Variants in FRMPD3 observed in about 807,000 individuals in gnomAD.
FRMPD3 encodes the protein FERM and PDZ domain-containing protein 3.
In FRMPD3, 42 loss-of-function variants were observed where a neutral mutation model predicts 97.9. The ratio of observed to expected loss-of-function variants is 0.43; its 90% CI spans 0.34 to 0.55. FRMPD3 has a LOEUF of 0.55. Ranked by LOEUF, FRMPD3 falls within the 20% of genes least tolerant of loss-of-function variation. The pLI, the probability that FRMPD3 is intolerant of heterozygous loss-of-function variation, is 0.03. For missense variants in FRMPD3, 1,303 were observed against 1,457.7 expected (o/e 0.89, Z 1.73); for synonymous variants, 577 against 581.1 (o/e 0.99, Z 0.10).
chrX:107,571,267 A>G (rs1431281910), intron 12 of FRMPD3, among the ~76,000 whole-genome samples: 1 of 112,265 alleles, frequency 8.9e-6, no homozygotes, highest in African/African-American at 3.2e-5. Context: ...TTAAAATCCT[A>G]TCTAAAATAA....
rs1924540556 is a variant in FRMPD3, at chrX:107,601,988, G to A, written c.3949G>A (p.Val1317Met). The A allele has an allele frequency of 3.4e-6, 4 of 1,169,899 alleles. No individual in the cohort carries two copies. The highest frequency in any genetic ancestry group is 4.6e-6 in the Non-Finnish European group (4 of 876,505). ...CCGGCCACAAGCCACCCAGACACCA[G>A]TGCCCAGCCTCCGGGGGAGGGAAAG... ...GGRPQATQTPVPSLRGRERDR... is the reference protein window; with the variant it reads ...GGRPQATQTPMPSLRGRERDR... The change falls in exon 15 of 15, where the codon GTG (valine) becomes ATG (methionine). Residue 1317 changes from valine (V) to methionine (M), a missense_variant. Physicochemically the swap from Val to Met is conservative, Grantham distance 21 (BLOSUM62 1). Around this residue, in one of 3 missense-constraint regions of FRMPD3, gnomAD observed 764 missense variants for 820.2 expected, o/e 0.93. Transcript: ENST00000683843.
intron 8 of FRMPD3, among the ~76,000 whole-genome samples, chrX:107,557,444 C>G (rs1163412375): frequency 9.1e-6 from 1 of 110,197 alleles, no homozygotes; most frequent in Non-Finnish European, 1.9e-5. Flanking sequence ...ACGTCTTTCA[C>G]AGAGCAAATG....
intron 13 of FRMPD3, among the ~76,000 whole-genome samples, chrX:107,579,323 T>C (rs1923276227): frequency 8.9e-6 from 1 of 111,982 alleles, no homozygotes; most frequent in Non-Finnish European, 1.9e-5. Context: ...AAACATCACC[T>C]TCCTTCAAGT....
At chrX:107,551,029 C>G (rs1921840967) in intron 6 of FRMPD3, among the ~76,000 whole-genome samples, 1 of 112,029 alleles carries the variant, frequency 8.9e-6, no homozygotes, top group African/African-American at 3.2e-5. Context: ...TTATCAGGTA[C>G]TCAGAATGGG....
intron 1 of FRMPD3, among the ~76,000 whole-genome samples, chrX:107,498,206 G>C (rs1042745119): frequency 1.8e-5 from 2 of 112,404 alleles, no homozygotes; most frequent in African/African-American, 6.5e-5. Flanking sequence ...GTTTTTGCAC[G>C]CAGGCAGGCT....
intron 1 of FRMPD3, among the ~76,000 whole-genome samples, chrX:107,521,771 G>A (rs758993948): frequency 8.9e-6 from 1 of 112,115 alleles, no homozygotes; most frequent in Non-Finnish European, 1.9e-5. Context: ...GTCTTGAGGG[G>A]AGTGACAAGA....
intron 12 of FRMPD3, among the ~76,000 whole-genome samples, chrX:107,567,972 A>G (rs1180571654): frequency 9.0e-6 from 1 of 110,963 alleles, no homozygotes; most frequent in Non-Finnish European, 1.9e-5. Flanking sequence ...ATGTGGGTGC[A>G]TATTCTCCCC....
At position 107,526,643 on chromosome X, in the gene FRMPD3, C is replaced by G. The variant is rs1403671411; in HGVS notation, c.55C>G (p.Leu19Val). The G allele has an allele frequency of 5.0e-6, 6 of 1,204,952 alleles. No homozygotes were observed. Among genetic ancestry groups the G allele is most frequent in the East Asian group, 3.0e-5 (1 of 33,712 alleles). The change falls in exon 2 of 15, where the codon CTG (leucine) becomes GTG (valine). Residue 19 changes from leucine (L) to valine (V), a missense_variant. Physicochemically the swap from Leu to Val is conservative, Grantham distance 32. Transcript: ENST00000683843. ...ATGTGAGCAGCTGCCAGCAGAGATACTGCGACAAGTGACCGTTCACCGAGA... is the reference window on the plus strand; with the variant it reads ...ATGTGAGCAGCTGCCAGCAGAGATAGTGCGACAAGTGACCGTTCACCGAGA... ...MECEQLPAEILRQVTVHRDPI... is the reference protein window; with the variant it reads ...MECEQLPAEIVRQVTVHRDPI...
Position 107,601,350 on chromosome X carries a change from G to C in FRMPD3, c.3311G>C (p.Gly1104Ala). 8.3e-7 allele frequency: 1 copy of C among 1,207,127 alleles called. No homozygotes were observed. Among genetic ancestry groups the C allele is most frequent in the Non-Finnish European group, 1.1e-6 (1 of 893,205 alleles). Residue 1104 changes from glycine (G) to alanine (A), a missense_variant, in exon 15 of 15, where the codon GGG becomes GCG. Coordinates refer to ENST00000683843, the MANE Select transcript of FRMPD3 (RefSeq NM_001388459.1). ...AAGCAGGGCACCATCTCCAGCCAAG[G>C]GGAGAAGGCGCAGCTGGAGAGCACA... ...LQKQGTISSQ[G>A]EKAQLESTPK...
chrX:107,509,835 G>A (rs1167168456), intron 1 of FRMPD3, among the ~76,000 whole-genome samples: 1 of 111,281 alleles, frequency 9.0e-6, no homozygotes, highest in Admixed American at 9.6e-5. Context: ...ACCTTAGACT[G>A]CAATCTCCCT....
intron 12 of FRMPD3, among the ~76,000 whole-genome samples, chrX:107,568,918 A>G (rs760649294): frequency 1.1e-4 from 10 of 88,737 alleles, no homozygotes; most frequent in East Asian, 9.4e-4. Context: ...AGAGAGAGAG[A>G]GAGAGAGAGA....
rs1931239107 is a variant in FRMPD3, at chrX:107,449,767, C to A, written c.-246C>A. 9.2e-6 allele frequency among the ~76,000 whole-genome samples: 1 copy of A among 108,966 alleles called. No individual in the cohort carries two copies. Among genetic ancestry groups the A allele is most frequent in the South Asian group, 3.8e-4 (1 of 2,617 alleles). 94.6% of individuals were successfully genotyped at this position (108,966 alleles called of 115,157 possible). Reference sequence around the variant, plus strand: ...TCCTGCCATCCTGCCCGCAGCCCGCCGCCTGCGCGCCAGCTCCCCGCGTCC... The same window carrying A: ...TCCTGCCATCCTGCCCGCAGCCCGCAGCCTGCGCGCCAGCTCCCCGCGTCC... On this transcript the variant is annotated 5_prime_UTR_variant, in exon 1 of 15. Coordinates refer to ENST00000683843, the MANE Select transcript of FRMPD3 (RefSeq NM_001388459.1).
chrX:107,479,258 A>T (rs760251236), intron 1 of FRMPD3, among the ~76,000 whole-genome samples: 114 of 112,195 alleles, frequency 1.0e-3, no homozygotes, highest in African/African-American at 3.3e-3. Flanking sequence ...TGCCTTAGGG[A>T]GCTGGGAAGG....
intron 1 of FRMPD3, among the ~76,000 whole-genome samples, chrX:107,513,935 T>A (rs1922234786): frequency 9.0e-6 from 1 of 111,708 alleles, no homozygotes; most frequent in African/African-American, 3.3e-5. Flanking sequence ...TAACTACAAA[T>A]CGTGATGAGT....
chrX:107,577,467 G>T (rs1173688382), intron 13 of FRMPD3, among the ~76,000 whole-genome samples: 5 of 90,513 alleles, frequency 5.5e-5, no homozygotes, highest in Non-Finnish European at 1.0e-4. Flanking sequence ...CTGGGTGACA[G>T]AGTGAGACTG....
Position 107,600,489 on chromosome X carries a change from G to A in FRMPD3, c.2450G>A (p.Arg817Gln). 4.1e-6 allele frequency: 5 copies of A among 1,210,682 alleles called. No individual in the cohort carries two copies. The highest frequency in any genetic ancestry group is 5.6e-6 in the Non-Finnish European group (5 of 895,302). The stretch of plus-strand genomic sequence containing the variant: ...CTTGCCCGCAAGGACCTGCCCTTCC[G>A]GATCCAGAGCTGTGCAGCCCAGGCC... ...SLLARKDLPF[R>Q]IQSCAAQAVL... Residue 817 changes from arginine to glutamine, a missense_variant, in exon 15 of 15, where the codon CGG (arginine) becomes CAG (glutamine). Transcript: ENST00000683843.
intron 1 of FRMPD3, among the ~76,000 whole-genome samples, chrX:107,459,853 G>T (rs939148843): frequency 9.6e-6 from 1 of 104,270 alleles, no homozygotes; most frequent in Non-Finnish European, 2.0e-5. Flanking sequence ...ATGAACACAC[G>T]TGTGTGTGCG....
intron 1 of FRMPD3, among the ~76,000 whole-genome samples, chrX:107,516,827 A>C (rs377245064): frequency 9.1e-6 from 1 of 109,703 alleles, no homozygotes; most frequent in Non-Finnish European, 1.9e-5. Context: ...TCTGTAGGTT[A>C]CCTGTTCACT....
rs909142311 is a variant in FRMPD3 at position 107,602,260 on chromosome X, G to A, written c.4221G>A (p.Ser1407=). ...ISELDQGDRA[S]LTSDVYPHPP... is the part of the protein sequence containing the mutation. Reference sequence around the variant, plus strand: ...AGCTGGACCAGGGTGACAGGGCCTCGCTGACCTCGGATGTCTACCCACATC... The same window carrying A: ...AGCTGGACCAGGGTGACAGGGCCTCACTGACCTCGGATGTCTACCCACATC... Residue 1407 remains serine, a synonymous_variant, in exon 15 of 15, where the codon TCG becomes TCA. Coordinates refer to ENST00000683843, the MANE Select transcript of FRMPD3 (RefSeq NM_001388459.1). 5.0e-6 allele frequency: 6 copies of A among 1,206,721 alleles called. No homozygotes were observed. In the African/African-American group the frequency reaches 7.0e-5, roughly 14 times the overall value.
Sources: allele counts gnomAD v4.1 joint callset (sites outside exome capture counted in the v4.1 genomes callset), GRCh38; gene constraint gnomAD v4.1.1; regional missense constraint gnomAD v4.1.1; transcripts MANE v1.5; gene names NCBI Gene and HGNC (gene_info 2026-07-23, HGNC 2026-07-21).